Variants in GPRASP1 observed in about 807,000 individuals in gnomAD.
GPRASP1 encodes the protein G protein-coupled receptor-associated sorting protein 1.
GPRASP1 carries 28 observed loss-of-function variants against 68.4 expected under a neutral mutation model. The observed-to-expected ratio is 0.41, with a 90% confidence interval of 0.30 to 0.56. The LOEUF (loss-of-function observed/expected upper bound fraction) is 0.56. Ranked by LOEUF, GPRASP1 falls within the 20% of genes least tolerant of loss-of-function variation. The probability of loss-of-function intolerance (pLI) is 0.29; values close to 1 mark genes in which losing one functional copy is unlikely to be tolerated. For missense variants in GPRASP1, 913 were observed against 1,031.5 expected, an observed-to-expected ratio of 0.89 and a Z score of 1.57; for synonymous variants, 304 against 358.2, an observed-to-expected ratio of 0.85 and a Z score of 1.71.
In GPRASP1 at chrX:102,654,284, C is replaced by T. The variant is rs1187767132; in HGVS notation, c.371C>T (p.Thr124Ile). 9.1e-6 allele frequency: 11 copies of T among 1,208,753 alleles called. No homozygotes were observed. The highest frequency in any genetic ancestry group is 1.2e-5 in the Non-Finnish European group (11 of 893,627). Reference protein sequence around the residue: ...TNIIASPLVSTDSVLVAKTKY... With the variant: ...TNIIASPLVSIDSVLVAKTKY... ...ATCATAGCCTCTCCACTTGTCAGTA[C>T]TGATTCTGTCTTGGTTGCTAAAACA... The change falls in exon 6 of 6, where the codon ACT (threonine) becomes ATT (isoleucine). Residue 124 changes from threonine to isoleucine, a missense_variant. Coordinates refer to ENST00000537097, the MANE Select transcript of GPRASP1 (RefSeq NM_001184727.2).
In GPRASP1 at chrX:102,653,280, C is replaced by A. The variant is rs1275591578; in HGVS notation, c.-353C>A. ...CTTGAACAAGAAAAGGAGGGGGAAA[C>A]TGCACCACATAAGTGAAGGTTGGTA... On this transcript the variant is annotated 5_prime_UTR_variant, in exon 5 of 6. It adds an upstream start codon to the 5' untranslated region. Coordinates refer to ENST00000537097, the MANE Select transcript of GPRASP1 (RefSeq NM_001184727.2). 2 of 111,682 alleles carry A rather than the reference C, an allele frequency of 1.8e-5. No homozygotes were observed. The highest frequency in any genetic ancestry group is 6.5e-5 in the African/African-American group (2 of 30,632). The allele number at this position is 111,682 out of a possible 1,213,427, so 9.2% of individuals were successfully genotyped here.
In GPRASP1 at chrX:102,654,455, C is replaced by A. The variant is rs1368790678; in HGVS notation, c.542C>A (p.Thr181Lys). Residue 181 changes from threonine (T) to lysine (K), a missense_variant, in exon 6 of 6, where the codon ACA becomes AAA. Transcript: ENST00000537097. The stretch of plus-strand genomic sequence containing the variant: ...GGGTCCTGGTGCTGTCCTAGGCCTA[C>A]ATCCAAACAAGAAGCCTCTCCTAAT... ...NMGSWCCPRP[T>K]SKQEASPNSD... The A allele has an allele frequency of 8.3e-7, 1 of 1,211,612 alleles. No homozygotes were observed. Among genetic ancestry groups the A allele is most frequent in the Non-Finnish European group, 1.1e-6 (1 of 895,282 alleles).
chrX:102,657,972 A>G lies in GPRASP1; in HGVS notation c.4059A>G (p.Thr1353=). Residue 1353 remains threonine (T), a synonymous_variant, in exon 6 of 6, where the codon ACA becomes ACG. Coordinates refer to ENST00000537097, the MANE Select transcript of GPRASP1 (RefSeq NM_001184727.2). ...ENIGNNIKKE[T]VFSDDDFNIE... is the part of the protein sequence containing the mutation. ...TTGGCAACAATATCAAAAAAGAAAC[A>G]GTGTTCTCTGATGATGATTTCAATA... The G allele has an allele frequency of 8.5e-7, 1 of 1,174,056 alleles. No individual in the cohort carries two copies. The highest frequency in any genetic ancestry group is 1.2e-6 in the Non-Finnish European group (1 of 861,638).
In GPRASP1 at chrX:102,653,878, GGA is replaced by G. The variant is rs776401400; in HGVS notation, c.-34_-33del. The G allele has an allele frequency of 1.1e-5, 12 of 1,060,896 alleles. No individual in the cohort carries two copies. The South Asian group carries it at 2.4e-4, about 22-fold the overall frequency. 87.4% of individuals were successfully genotyped at this position (1,060,896 alleles called of 1,213,427 possible). On this transcript the variant is annotated 5_prime_UTR_variant, in exon 6 of 6. Transcript: ENST00000537097. ...TGTGGTTGAGGTTTAGACTGGGGGA[GGA>G]GTATAGTACTGGACTTTCTTTGTAA...
Position 102,653,716 on chromosome X carries a change from A to G in GPRASP1, c.-198A>G. 2.3e-6 allele frequency: 1 copy of G among 430,657 alleles called. No individual in the cohort carries two copies. The highest frequency in any genetic ancestry group is 4.1e-6 in the Non-Finnish European group (1 of 245,716). The allele number at this position is 430,657 out of a possible 1,213,427, so 35.5% of individuals were successfully genotyped here. On this transcript the variant is annotated 5_prime_UTR_variant, in exon 6 of 6. Coordinates refer to ENST00000537097, the MANE Select transcript of GPRASP1 (RefSeq NM_001184727.2). The stretch of plus-strand genomic sequence containing the variant: ...GTTCTACACTCTATCTGTATTATTG[A>G]ATTACTGACTGAGACTGTGTTTGGG...
At position 102,658,963 on chromosome X, in the gene GPRASP1, G is replaced by A. The variant is rs1364673066; in HGVS notation, c.*862G>A. On this transcript the variant is annotated 3_prime_UTR_variant, in exon 6 of 6. Coordinates refer to ENST00000537097, the MANE Select transcript of GPRASP1 (RefSeq NM_001184727.2). ...ACATCATACAGCCATTAAACATGAT[G>A]ATGTATAGGGTTTTAGGAAAAGCCC... The A allele has an allele frequency of 2.4e-5, 3 of 122,941 alleles. No individual in the cohort carries two copies. The highest frequency in any genetic ancestry group is 9.8e-5 in the African/African-American group (3 of 30,683). The allele number at this position is 122,941 out of a possible 1,213,427, so 10.1% of individuals were successfully genotyped here.
rs1367764768 is a variant in GPRASP1, at chrX:102,654,599, C to T, written c.686C>T (p.Ala229Val). The change falls in exon 6 of 6, where the codon GCC becomes GTC. Residue 229 changes from alanine to valine, a missense_variant. By Grantham distance (64) the Ala-to-Val change is moderately conservative. Coordinates refer to ENST00000537097, the MANE Select transcript of GPRASP1 (RefSeq NM_001184727.2). ...GACAGTAACAGATCCATGCACATGGCCAATCAAGAGGCTAATACCATGTCT... is the reference window on the plus strand; with the variant it reads ...GACAGTAACAGATCCATGCACATGGTCAATCAAGAGGCTAATACCATGTCT... ...VKDSNRSMHMANQEANTMSRS... is the reference protein window; with the variant it reads ...VKDSNRSMHMVNQEANTMSRS... 8.3e-7 allele frequency: 1 copy of T among 1,207,001 alleles called. No individual in the cohort carries two copies. Among genetic ancestry groups the T allele is most frequent in the African/African-American group, 1.8e-5 (1 of 57,115 alleles).
chrX:102,653,403 C>T (rs2081374179), intron 5 of GPRASP1, 105 bp downstream of exon 5: 1 of 114,527 alleles, frequency 8.7e-6, no homozygotes, highest in African/African-American at 3.3e-5. Flanking sequence ...CTCCCATTGC[C>T]GACACACTTT....
In GPRASP1 at chrX:102,651,726, A is replaced by T. The variant is rs1047452095; in HGVS notation, c.-579A>T. 1 of 111,833 alleles carries T rather than the reference A, an allele frequency of 8.9e-6. No homozygotes were observed. Among genetic ancestry groups the T allele is most frequent in the African/African-American group, 3.3e-5 (1 of 30,721 alleles). The allele number at this position is 111,833 out of a possible 1,213,427, so 9.2% of individuals were successfully genotyped here. On this transcript the variant is annotated 5_prime_UTR_variant, in exon 2 of 6. Transcript: ENST00000537097. ...GACGATCCGTTCGGAGCCGGGCGCT[A>T]GAGAGAGGTGCGCAGTGCCCGAGAT...
In GPRASP1 at chrX:102,656,441, T is replaced by C; in HGVS notation, c.2528T>C (p.Ile843Thr). ...SPKAEEEEVIIGSWFWEEEAS... is the reference protein window; with the variant it reads ...SPKAEEEEVITGSWFWEEEAS... ...AAAGCTGAAGAGGAAGAAGTCATTATTGGGTCCTGGTTCTGGGAAGAAGAG... is the reference window on the plus strand; with the variant it reads ...AAAGCTGAAGAGGAAGAAGTCATTACTGGGTCCTGGTTCTGGGAAGAAGAG... The change falls in exon 6 of 6, where the codon ATT becomes ACT. Residue 843 changes from isoleucine (I) to threonine (T), a missense_variant. By Grantham distance (89) the Ile-to-Thr change is moderately conservative. Transcript: ENST00000537097. 8.3e-7 allele frequency: 1 copy of C among 1,211,205 alleles called. No homozygotes were observed.
In GPRASP1 at chrX:102,657,308, A is replaced by G. The variant is rs190490536; in HGVS notation, c.3395A>G (p.Lys1132Arg). ...GAAATTCGAGAGCATCTTAGGGCCA[A>G]GGAGAGTACAGAGCCTGAGAGTTCA... is the stretch of plus-strand genomic sequence containing the variant. ...VQEIREHLRA[K>R]ESTEPESSSC... Residue 1132 changes from lysine to arginine, a missense_variant, in exon 6 of 6, where the codon AAG becomes AGG. Transcript: ENST00000537097. The G allele has an allele frequency of 1.6e-5, 19 of 1,209,336 alleles. No homozygotes were observed. The African/African-American group carries it at 2.5e-4, about 16-fold the overall frequency.
rs201701095 is a variant in GPRASP1 at position 102,655,567 on chromosome X, C to T, written c.1654C>T (p.Pro552Ser). The change falls in exon 6 of 6, where the codon CCC (proline) becomes TCC (serine). Residue 552 changes from proline (P) to serine (S), a missense_variant. By Grantham distance (74) the Pro-to-Ser change is moderately conservative. Transcript: ENST00000537097. ...GTCTGAGGAAGAAGAGGTCATTGGT[C>T]CCTGGTTTTGGTCTGGAGAACAAGT... is the stretch of plus-strand genomic sequence containing the variant. ...TRSEEEEVIG[P>S]WFWSGEQVDI... The T allele has an allele frequency of 1.1e-4, 134 of 1,208,492 alleles. 1 individual carries two copies. In the South Asian group the frequency reaches 1.4e-3, roughly 12 times the overall value.
chrX:102,655,214 T>C lies in GPRASP1; in HGVS notation c.1301T>C (p.Ile434Thr). The C allele has an allele frequency of 8.3e-7, 1 of 1,210,202 alleles. No individual in the cohort carries two copies. The highest frequency in any genetic ancestry group is 1.8e-5 in the South Asian group (1 of 56,923). ...AGTCTACAAGTGGAGGATGAGTCCA[T>C]AATTGGGAGTTGGTTCTGGACTGAA... is the stretch of plus-strand genomic sequence containing the variant. Reference protein sequence around the residue: ...ESSLQVEDESIIGSWFWTEEE... With the variant: ...ESSLQVEDESTIGSWFWTEEE... The change falls in exon 6 of 6, where the codon ATA (isoleucine) becomes ACA (threonine). Residue 434 changes from isoleucine to threonine, a missense_variant. Physicochemically the swap from Ile to Thr is moderately conservative, Grantham distance 89. Transcript: ENST00000537097.
Position 102,656,225 on chromosome X carries a change from C to T in GPRASP1, c.2312C>T (p.Pro771Leu). 8.3e-7 allele frequency: 1 copy of T among 1,211,298 alleles called. No individual in the cohort carries two copies. The highest frequency in any genetic ancestry group is 1.1e-6 in the Non-Finnish European group (1 of 895,325). ...GCTACTGACAGAGAAGAGTCCAGGCCAGAAGCTGAGGAGGGGGACATTATT... is the reference window on the plus strand; with the variant it reads ...GCTACTGACAGAGAAGAGTCCAGGCTAGAAGCTGAGGAGGGGGACATTATT... ...SEATDREESRPEAEEGDIIGS... is the reference protein window; with the variant it reads ...SEATDREESRLEAEEGDIIGS... The change falls in exon 6 of 6, where the codon CCA becomes CTA. Residue 771 changes from proline (P) to leucine (L), a missense_variant. Coordinates refer to ENST00000537097, the MANE Select transcript of GPRASP1 (RefSeq NM_001184727.2).
Position 102,657,759 on chromosome X carries a change from C to G in GPRASP1, c.3846C>G (p.Leu1282=), listed in dbSNP as rs1295712665. 1.7e-6 allele frequency: 2 copies of G among 1,204,575 alleles called. No homozygotes were observed. The highest frequency in any genetic ancestry group is 1.8e-5 in the South Asian group (1 of 56,768). The part of the protein sequence containing the change: ...TLVANYMSGF[L]SLLATGNAKT... ...TTGCCAATTATATGTCTGGGTTTCT[C>G]TCCTTATTAGCTACAGGCAATGCCA... Residue 1282 remains leucine (L), a synonymous_variant, in exon 6 of 6, where the codon CTC becomes CTG. Transcript: ENST00000537097.
At position 102,657,514 on chromosome X, in the gene GPRASP1, A is replaced by G; in HGVS notation, c.3601A>G (p.Ile1201Val). The change falls in exon 6 of 6, where the codon ATT (isoleucine) becomes GTT (valine). Residue 1201 changes from isoleucine to valine, a missense_variant. Coordinates refer to ENST00000537097, the MANE Select transcript of GPRASP1 (RefSeq NM_001184727.2). ...TCGAGATTCAGGTGTTGTCTCACTT[A>G]TTGAAACCTTGCTTAATTATCCGTC... ...FIRDSGVVSLIETLLNYPSSR... is the reference protein window; with the variant it reads ...FIRDSGVVSLVETLLNYPSSR... 4.1e-6 allele frequency: 5 copies of G among 1,212,166 alleles called. No individual in the cohort carries two copies. Among genetic ancestry groups the G allele is most frequent in the Non-Finnish European group, 3.3e-6 (3 of 895,562 alleles).
rs765862594 is a variant in GPRASP1, at chrX:102,657,617, C to T, written c.3704C>T (p.Thr1235Ile). The change falls in exon 6 of 6, where the codon ACA becomes ATA. Residue 1235 changes from threonine to isoleucine, a missense_variant. Transcript: ENST00000537097. ...TATCCGAATCTAAACATAATTCAGA[C>T]ATACATATGTAAAGTGTGTGAGGAA... ...PPYPNLNIIQTYICKVCEETL... is the reference protein window; with the variant it reads ...PPYPNLNIIQIYICKVCEETL... 1 of 1,210,510 alleles carries T rather than the reference C, an allele frequency of 8.3e-7. No homozygotes were observed.
At position 102,654,788 on chromosome X, in the gene GPRASP1, A is replaced by G. The variant is rs776471523; in HGVS notation, c.875A>G (p.Tyr292Cys). Residue 292 changes from tyrosine (Y) to cysteine (C), a missense_variant, in exon 6 of 6, where the codon TAT becomes TGT. By Grantham distance (194) the Tyr-to-Cys change is radical (BLOSUM62 -2). Coordinates refer to ENST00000537097, the MANE Select transcript of GPRASP1 (RefSeq NM_001184727.2). ...RSRFRSKKEV[Y>C]VESSSGSEHE... The stretch of plus-strand genomic sequence containing the variant: ...AGGTTTAGGTCTAAGAAAGAAGTCT[A>G]TGTTGAATCAAGTTCTGGATCTGAG... 2 of 1,211,181 alleles carry G rather than the reference A, an allele frequency of 1.7e-6. No individual in the cohort carries two copies. Among genetic ancestry groups the G allele is most frequent in the South Asian group, 1.8e-5 (1 of 56,966 alleles).
Position 102,656,973 on chromosome X carries a change from C to T in GPRASP1, c.3060C>T (p.Pro1020=). 9.1e-6 allele frequency: 11 copies of T among 1,211,119 alleles called. No individual in the cohort carries two copies. Among genetic ancestry groups the T allele is most frequent in the South Asian group, 1.8e-5 (1 of 56,942 alleles). Residue 1020 remains proline, a synonymous_variant, in exon 6 of 6, where the codon CCC becomes CCT. Transcript: ENST00000537097. ...CCCATTTTGAATCAAATCCTAGCCC[C>T]GTGTTCAGGGCCATTTGCAGGTCCA... ...DEAHFESNPS[P]VFRAICRSTC... is the part of the protein sequence containing the mutation.
Sources: gnomAD v4.1 joint callset for allele counts on GRCh38, gnomAD v4.1.1 for gene constraint, MANE v1.5 for transcripts, NCBI Gene and HGNC (gene_info 2026-07-23, HGNC 2026-07-21) for gene names.